Variants in ZNF804A observed in about 807,000 individuals in gnomAD.
ZNF804A encodes zinc finger protein 804A.
In ZNF804A, 2 loss-of-function variants were observed where a neutral mutation model predicts 16.5. That is an observed-to-expected ratio of 0.12 (90% confidence interval 0.05 to 0.38). ZNF804A has a LOEUF of 0.38. Among genes scored for constraint, ZNF804A ranks in the 10% least tolerant of loss-of-function variants. The probability of loss-of-function intolerance (pLI) is 0.99; values close to 1 mark genes in which losing one functional copy is unlikely to be tolerated. For synonymous variants in ZNF804A, 534 were observed against 489.6 expected (o/e 1.09, Z -1.20); for missense variants, 1,473 against 1,390.7 (o/e 1.06, Z -0.94).
intron 1 of ZNF804A, among the ~76,000 whole-genome samples, chr2:184,798,006 ATG>A (rs58199746): frequency 0.28 from 36,776 of 132,928 alleles, 4,607 homozygotes; most frequent in South Asian, 0.37. Context: ...TGGCTGATAT[ATG>A]TGTGTGTGTG....
intron 1 of ZNF804A, among the ~76,000 whole-genome samples, chr2:184,602,990 CA>C (rs1222212355): frequency 6.6e-6 from 1 of 152,092 alleles, no homozygotes; most frequent in Non-Finnish European, 1.5e-5. Flanking sequence ...GCCAGATTCA[CA>C]GAATAATTTG....
chr2:184,864,323 C>T (rs1005515734), intron 1 of ZNF804A, among the ~76,000 whole-genome samples: 4 of 152,078 alleles, frequency 2.6e-5, no homozygotes, highest in African/African-American at 7.2e-5. Flanking sequence ...TAAGAACTTA[C>T]CTCAATCCTC....
At chr2:184,658,861 A>G (rs1161184307) in intron 1 of ZNF804A, among the ~76,000 whole-genome samples, 1 of 152,220 alleles carries the variant, frequency 6.6e-6, no homozygotes. Context: ...CTGAATGTAC[A>G]CTGGTCCAGT....
intron 1 of ZNF804A, among the ~76,000 whole-genome samples, chr2:184,616,633 A>G (rs1691325804): frequency 6.6e-6 from 1 of 152,168 alleles, no homozygotes; most frequent in Admixed American, 6.6e-5. Context: ...TCGGGAGTCT[A>G]GGGAAATAAA....
intron 1 of ZNF804A, among the ~76,000 whole-genome samples, chr2:184,719,550 T>G (rs1452981050): frequency 6.6e-6 from 1 of 152,200 alleles, no homozygotes; most frequent in Non-Finnish European, 1.5e-5. Context: ...GCAAGTCACC[T>G]TTTGAATGCT....
At chr2:184,685,435 T>C (rs886976246) in intron 1 of ZNF804A, among the ~76,000 whole-genome samples, 4 of 152,130 alleles carry the variant, frequency 2.6e-5, no homozygotes, top group African/African-American at 9.7e-5. Context: ...GTTTCAGCTC[T>C]GTTTGTGTTA....
intron 2 of ZNF804A, among the ~76,000 whole-genome samples, chr2:184,888,867 C>T (rs1012928577): frequency 1.3e-5 from 2 of 151,876 alleles, no homozygotes; most frequent in African/African-American, 4.8e-5. Flanking sequence ...TGTTCAAAGA[C>T]TAAATTTTAA....
chr2:184,865,374 C>A (rs1002129490), intron 1 of ZNF804A, among the ~76,000 whole-genome samples: 2 of 151,774 alleles, frequency 1.3e-5, no homozygotes, highest in African/African-American at 2.4e-5. Flanking sequence ...TCATGTCTGG[C>A]AACATTGAAT....
chr2:184,841,723 A>G (rs1336172547), intron 1 of ZNF804A, among the ~76,000 whole-genome samples: 4 of 152,180 alleles, frequency 2.6e-5, no homozygotes, highest in Non-Finnish European at 5.9e-5. Context: ...ATTTTAAAAA[A>G]TACTTCATCC....
In ZNF804A at chr2:184,915,882, T is replaced by C. The variant is rs181426218; in HGVS notation, c.256-17721T>C. Among the ~76,000 whole-genome samples the C allele has an allele frequency of 2.6e-3, 391 of 152,260 alleles. 2 individuals carry two copies. The highest frequency in any genetic ancestry group is 4.3e-3 in the Non-Finnish European group (291 of 67,986). On this transcript the variant is annotated intron_variant, in intron 2 of 3. Coordinates refer to ENST00000302277, the MANE Select transcript of ZNF804A (RefSeq NM_194250.2). ...TGGGAAAGGAAATTTTAAAGAGTCTTCCACAGGTTCATTCAGCATAATGCC... is the reference window on the plus strand; with the variant it reads ...TGGGAAAGGAAATTTTAAAGAGTCTCCCACAGGTTCATTCAGCATAATGCC...
At chr2:184,636,053 GAAGT>G (rs1271638073) in intron 1 of ZNF804A, among the ~76,000 whole-genome samples, 2 of 152,022 alleles carry the variant, frequency 1.3e-5, no homozygotes, top group African/African-American at 4.8e-5. Context: ...AAGTAAAGTT[GAAGT>G]AAGTGAAAAT....
chr2:184,681,530 G>C (rs1692539892), intron 1 of ZNF804A, among the ~76,000 whole-genome samples: 1 of 152,176 alleles, frequency 6.6e-6, no homozygotes, highest in South Asian at 2.1e-4. Context: ...AAACAGGTCT[G>C]AGTTTTAATA....
Position 184,677,302 on chromosome 2 carries a change from G to A in ZNF804A, c.111+78232G>A, listed in dbSNP as rs568540892. On this transcript the variant is annotated intron_variant, in intron 1 of 3. Coordinates refer to ENST00000302277, the MANE Select transcript of ZNF804A (RefSeq NM_194250.2). ...TGTTGATTGTCGTCATCACATCCAG[G>A]CCATATAGTAATATCTAGAGGATAA... 5.1e-4 allele frequency among the ~76,000 whole-genome samples: 78 copies of A among 151,884 alleles called. No homozygotes were observed. In the South Asian group the frequency reaches 5.4e-3, roughly 11 times the overall value.
At chr2:184,681,028 A>G (rs73978042) in intron 1 of ZNF804A, among the ~76,000 whole-genome samples, 4,604 of 152,314 alleles carry the variant, frequency 0.03, 233 homozygotes, top group African/African-American at 0.1. Flanking sequence ...CACCACAGCT[A>G]GCATGCCTGG....
intron 1 of ZNF804A, among the ~76,000 whole-genome samples, chr2:184,626,851 A>G (rs1229753521): frequency 6.6e-6 from 1 of 152,198 alleles, no homozygotes; most frequent in Non-Finnish European, 1.5e-5. Flanking sequence ...TGTTATAACA[A>G]TTGGGATGGG....
intron 1 of ZNF804A, among the ~76,000 whole-genome samples, chr2:184,860,067 C>T (rs765725870): frequency 1.4e-4 from 21 of 152,168 alleles, no homozygotes; most frequent in Non-Finnish European, 2.6e-4. Flanking sequence ...CCTGGGTCTA[C>T]AGGGGTGTTC....
chr2:184,833,204 C>A (rs1358317108), intron 1 of ZNF804A, among the ~76,000 whole-genome samples: 1 of 151,944 alleles, frequency 6.6e-6, no homozygotes, highest in Non-Finnish European at 1.5e-5. Flanking sequence ...TGTATTGTTC[C>A]TGTCTTACCT....
intron 2 of ZNF804A, among the ~76,000 whole-genome samples, chr2:184,924,351 T>A (rs1353117860): frequency 1.3e-5 from 2 of 151,940 alleles, no homozygotes; most frequent in East Asian, 3.9e-4. Flanking sequence ...TATATTTACA[T>A]GTAGTTGCTC....
At chr2:184,845,831 A>G (rs1695504658) in intron 1 of ZNF804A, among the ~76,000 whole-genome samples, 1 of 152,028 alleles carries the variant, frequency 6.6e-6, no homozygotes, top group Non-Finnish European at 1.5e-5. Context: ...TTACACAGAA[A>G]TTTCTGTATA....
Sources: allele counts gnomAD v4.1 joint callset (sites outside exome capture counted in the v4.1 genomes callset), GRCh38; gene constraint gnomAD v4.1.1; transcripts MANE v1.5; gene names NCBI Gene and HGNC (gene_info 2026-07-23, HGNC 2026-07-21).